Variants in RBM38 observed in about 807,000 individuals in gnomAD.
RBM38 encodes the protein RNA-binding protein 38.
RBM38 carries 11 observed loss-of-function variants against 23.5 expected under a neutral mutation model. That is an observed-to-expected ratio of 0.47 (90% CI 0.29 to 0.77). The LOEUF is 0.77. RBM38 is among the 30% of genes least tolerant of loss of function. RBM38 has a pLI of 0.08. For missense variants in RBM38, 330 were observed against 351.9 expected, an observed-to-expected ratio of 0.94 and a Z score of 0.50; for synonymous variants, 165 against 166.1, an observed-to-expected ratio of 0.99 and a Z score of 0.05.
chr20:57,392,564 T>G, intron 1 of RBM38, 90 bp from the exon 2 acceptor site: 1 of 1,517,574 alleles, frequency 6.6e-7, no homozygotes, highest in Non-Finnish European at 8.9e-7. Context: ...AAGAGAGGGG[T>G]GGCAGCATCC....
intron 3 of RBM38, among the ~76,000 whole-genome samples, chr20:57,394,415 G>T (rs990167267): frequency 1.3e-5 from 2 of 152,202 alleles, no homozygotes; most frequent in African/African-American, 4.8e-5. Flanking sequence ...GAACGCTTGG[G>T]GTGACTCGGG....
chr20:57,407,863 G>T lies in RBM38; in HGVS notation c.*17G>T. The T allele has an allele frequency of 6.5e-7, 1 of 1,536,174 alleles. No individual in the cohort carries two copies. The highest frequency in any genetic ancestry group is 8.7e-7 in the Non-Finnish European group (1 of 1,144,480). ...ATGCAGTGAGGGGCGTTCCTGCCCC[G>T]AGGACTGTGGCATTGTCACCTTCAC... On this transcript the variant is annotated 3_prime_UTR_variant, in exon 4 of 4. Coordinates refer to ENST00000356208, the MANE Select transcript of RBM38 (RefSeq NM_017495.6). This position sits in a 1 kb window ranked among gnomAD's most constrained non-coding sequence, Gnocchi z 4.0.
chr20:57,392,665 C>T lies in RBM38; in HGVS notation c.249C>T (p.Ala83=), dbSNP rs780741313. The change falls in exon 2 of 4, where the codon GCC becomes GCT. Residue 83 remains alanine, a synonymous_variant. Transcript: ENST00000356208. ...CTCTGCTCCACCAGGTGACCATGGC[C>T]GACCGGGCGGCAGCTGAGAGGGCTT... is the stretch of plus-strand genomic sequence containing the variant. ...KSRGYGFVTM[A]DRAAAERACK... The T allele has an allele frequency of 2.0e-5, 32 of 1,611,926 alleles. No individual in the cohort carries two copies. Among genetic ancestry groups the T allele is most frequent in the Non-Finnish European group, 2.6e-5 (31 of 1,179,538 alleles).
At position 57,391,515 on chromosome 20, in the gene RBM38, G is replaced by T. The variant is rs927769745; in HGVS notation, c.-67G>T. On this transcript the variant is annotated 5_prime_UTR_variant, in exon 1 of 4. Transcript: ENST00000356208. ...ACGGGCGCCCCTCGCTGCCCCGCGC[G>T]CTCCCCGCCGCCCCCCATGAGCGCA... is the stretch of plus-strand genomic sequence containing the variant. 281 of 415,712 alleles carry T rather than the reference G, an allele frequency of 6.8e-4. No homozygotes were observed. Among genetic ancestry groups the T allele is most frequent in the African/African-American group, 5.9e-3 (269 of 45,846 alleles). 25.8% of individuals were successfully genotyped at this position (415,712 alleles called of 1,614,324 possible).
intron 3 of RBM38, among the ~76,000 whole-genome samples, chr20:57,405,722 G>A (rs1315248197): frequency 1.3e-5 from 2 of 152,046 alleles, no homozygotes; most frequent in Non-Finnish European, 2.9e-5. Context: ...GGAAGCCAGG[G>A]CTCCTCTCTG....
intron 3 of RBM38, among the ~76,000 whole-genome samples, chr20:57,394,111 G>A (rs1295757352): frequency 6.6e-6 from 1 of 152,212 alleles, no homozygotes; most frequent in Non-Finnish European, 1.5e-5. Context: ...AGTTGGAGGG[G>A]AAGGCAGCTC....
chr20:57,393,901 C>T (rs1283022286), intron 3 of RBM38, among the ~76,000 whole-genome samples: 1 of 152,066 alleles, frequency 6.6e-6, no homozygotes, highest in South Asian at 2.1e-4. Context: ...TTACAAGCAG[C>T]GCAGCCCACT....
chr20:57,404,839 C>T (rs1057474295), intron 3 of RBM38, among the ~76,000 whole-genome samples: 2 of 152,244 alleles, frequency 1.3e-5, no homozygotes, highest in Non-Finnish European at 2.9e-5. Context: ...GAGGCATTGG[C>T]AGGTGCCAGG....
chr20:57,391,603 T>TGCGCCCCGA lies in RBM38; in HGVS notation c.27_35dup (p.Pro10_Ala12dup). On this transcript the variant is annotated inframe_insertion, in exon 1 of 4. Transcript: ENST00000356208. ...CCCCATGCTGCTGCAGCCCGCGCCG[T>TGCGCCCCGA]GCGCCCCGAGCGCGGGCTTCCCGCG... The TGCGCCCCGA allele has an allele frequency of 7.2e-7, 1 of 1,389,650 alleles. No individual in the cohort carries two copies. Among genetic ancestry groups the TGCGCCCCGA allele is most frequent in the Non-Finnish European group, 9.4e-7 (1 of 1,059,948 alleles). 86.1% of individuals were successfully genotyped at this position (1,389,650 alleles called of 1,614,324 possible).
intron 3 of RBM38, among the ~76,000 whole-genome samples, chr20:57,406,871 G>A (rs1433338171): frequency 6.6e-6 from 1 of 152,054 alleles, no homozygotes; most frequent in African/African-American, 2.4e-5. Context: ...GCGGGCACCT[G>A]TAGTCCCAGC....
chr20:57,393,800 A>T (rs1385273935), intron 3 of RBM38, among the ~76,000 whole-genome samples: 1 of 152,150 alleles, frequency 6.6e-6, no homozygotes, highest in African/African-American at 2.4e-5. Flanking sequence ...CCAAGGTCTG[A>T]TGTTTGTGAA....
At chr20:57,402,703 G>A (rs11905479) in intron 3 of RBM38, among the ~76,000 whole-genome samples, 29,526 of 152,310 alleles carry the variant, frequency 0.19, 3,093 homozygotes, top group Middle Eastern at 0.29. Context: ...AGGCAGTGAA[G>A]CCTTGGGCCT....
chr20:57,395,104 T>G (rs866456916), intron 3 of RBM38, among the ~76,000 whole-genome samples: 2 of 152,210 alleles, frequency 1.3e-5, no homozygotes, highest in Non-Finnish European at 2.9e-5. Context: ...GGCTGGGTGC[T>G]CTGGCCTCCT....
intron 3 of RBM38, among the ~76,000 whole-genome samples, chr20:57,405,536 A>G (rs1172314347): frequency 6.6e-6 from 1 of 152,206 alleles, no homozygotes; most frequent in Admixed American, 6.5e-5. Context: ...AGCAGCCACT[A>G]GGATGGCTCA....
intron 3 of RBM38, among the ~76,000 whole-genome samples, chr20:57,403,322 G>T (rs1255449073): frequency 6.6e-6 from 1 of 152,192 alleles, no homozygotes. Flanking sequence ...GGGGCGAGGC[G>T]CAACCCTAGG....
rs369937519 is a variant in RBM38 at position 57,407,437 on chromosome 20, G to A, written c.417-106G>A. ...TGTGCCCATCTGACCGATGAGGAAA[G>A]TCGGGGCTCGGGGTGGGGGGCGGCA... On this transcript the variant is annotated intron_variant, in intron 3 of 3. Coordinates refer to ENST00000356208, the MANE Select transcript of RBM38 (RefSeq NM_017495.6). This position sits in a 1 kb window ranked among gnomAD's most constrained non-coding sequence, Gnocchi z 4.0. 7.6e-7 allele frequency: 1 copy of A among 1,309,626 alleles called. No homozygotes were observed. The allele number at this position is 1,309,626 out of a possible 1,614,324, so 81.1% of individuals were successfully genotyped here.
chr20:57,408,509 G>C lies in RBM38; in HGVS notation c.*663G>C, dbSNP rs1412563198. ...AAGTTGCAACTTTTTTCTTGTAATT[G>C]TTTTGCTACTAAGATAATTTCAGAA... On this transcript the variant is annotated 3_prime_UTR_variant, in exon 4 of 4. Coordinates refer to ENST00000356208, the MANE Select transcript of RBM38 (RefSeq NM_017495.6). 1 of 152,524 alleles carries C rather than the reference G, an allele frequency of 6.6e-6. No homozygotes were observed. The highest frequency in any genetic ancestry group is 1.5e-5 in the Non-Finnish European group (1 of 68,256). 9.4% of individuals were successfully genotyped at this position (152,524 alleles called of 1,614,324 possible). A position where few individuals can be genotyped will look rare whatever the true frequency, so the allele number is the denominator to read the frequency against.
intron 3 of RBM38, among the ~76,000 whole-genome samples, chr20:57,402,112 T>G (rs1330488955): frequency 4.0e-5 from 6 of 151,870 alleles, no homozygotes; most frequent in Non-Finnish European, 8.8e-5. Context: ...CACGCCCAGC[T>G]ATTTTTGTAT....
At chr20:57,401,202 G>A (rs946550703) in intron 3 of RBM38, among the ~76,000 whole-genome samples, 7 of 152,238 alleles carry the variant, frequency 4.6e-5, no homozygotes, top group African/African-American at 1.4e-4. Flanking sequence ...CCAAGGAGGC[G>A]TCGATGCTGC....
Sources: gnomAD v4.1 joint callset for allele counts (sites outside exome capture counted in the v4.1 genomes callset) on GRCh38, gnomAD v4.1.1 for gene constraint, Gnocchi (gnomAD v3.1) non-coding constraint, MANE v1.5 for transcripts, NCBI Gene and HGNC (gene_info 2026-07-23, HGNC 2026-07-21) for gene names.